Variants in CHCHD3 observed in about 807,000 individuals in gnomAD.
CHCHD3 encodes MICOS complex subunit MIC19.
Under a neutral mutation model 38.2 loss-of-function variants are expected in CHCHD3, and 20 were observed. The observed-to-expected ratio is 0.52, with a 90% CI of 0.37 to 0.76. The LOEUF (loss-of-function observed/expected upper bound fraction) is 0.76. Among genes scored for constraint, CHCHD3 ranks in the 30% least tolerant of loss-of-function variants. The pLI is 0.00. For synonymous variants in CHCHD3, 82 were observed against 100.0 expected, an observed-to-expected ratio of 0.82 and a Z score of 1.07; for missense variants, 245 against 279.2, an observed-to-expected ratio of 0.88 and a Z score of 0.87.
At chr7:133,031,431 T>G (rs1182266836) in intron 2 of CHCHD3, among the ~76,000 whole-genome samples, 1 of 152,010 alleles carries the variant, frequency 6.6e-6, no homozygotes, top group African/African-American at 2.4e-5. Context: ...ATACATAGAT[T>G]CCCTGAACCT....
rs539773845 is a variant in CHCHD3 at position 132,916,983 on chromosome 7, AG to A, written c.370-31239del. Among the ~76,000 whole-genome samples, 8 of 152,294 alleles carry A rather than the reference AG, an allele frequency of 5.3e-5. No individual in the cohort carries two copies. In the East Asian group the frequency reaches 1.5e-3, roughly 29 times the overall value. On this transcript the variant is annotated intron_variant, in intron 4 of 7. Transcript: ENST00000262570. Reference sequence around the variant, plus strand: ...TACCATCTGCATTTCAGGCATCCACAGGGGGGTCTTGGAAGGAATCCTCAGT... The same window carrying A: ...TACCATCTGCATTTCAGGCATCCACAGGGGGTCTTGGAAGGAATCCTCAGT...
chr7:133,003,698 C>T (rs971562898), intron 3 of CHCHD3, among the ~76,000 whole-genome samples: 1 of 152,188 alleles, frequency 6.6e-6, no homozygotes, highest in Admixed American at 6.5e-5. Flanking sequence ...AGGCCCAATG[C>T]TGACTCAAGC....
intron 4 of CHCHD3, among the ~76,000 whole-genome samples, chr7:132,898,013 G>A (rs1051644859): frequency 6.6e-6 from 1 of 152,026 alleles, no homozygotes; most frequent in Admixed American, 6.5e-5. Flanking sequence ...GCAGACCTTC[G>A]CGGTGAGTGT....
chr7:133,012,812 G>A (rs1211062332), intron 3 of CHCHD3, among the ~76,000 whole-genome samples: 2 of 119,092 alleles, frequency 1.7e-5, no homozygotes, highest in South Asian at 6.8e-4. Context: ...GAGGGGAAGA[G>A]AGGGGAGGGG....
intron 5 of CHCHD3, among the ~76,000 whole-genome samples, chr7:132,852,581 T>C (rs1378002540): frequency 6.6e-6 from 1 of 152,236 alleles, no homozygotes; most frequent in East Asian, 1.9e-4. Context: ...TGAATTATTA[T>C]TTCTTTGGAA....
At chr7:132,797,331 G>GA (rs1296983500) in intron 6 of CHCHD3, among the ~76,000 whole-genome samples, 1 of 151,816 alleles carries the variant, frequency 6.6e-6, no homozygotes, top group Non-Finnish European at 1.5e-5. Flanking sequence ...TCTATATCTG[G>GA]AAAAAACCTA....
intron 2 of CHCHD3, among the ~76,000 whole-genome samples, chr7:133,043,538 C>T (rs536863343): frequency 2.8e-4 from 43 of 151,508 alleles, no homozygotes; most frequent in African/African-American, 8.7e-4. Context: ...CCCAGCTACT[C>T]GGGAGGCTGA....
chr7:132,880,375 T>C (rs1809020636), intron 5 of CHCHD3, among the ~76,000 whole-genome samples: 1 of 152,206 alleles, frequency 6.6e-6, no homozygotes, highest in Admixed American at 6.5e-5. Flanking sequence ...AAATGCTCAG[T>C]AAATGTTATC....
chr7:133,001,291 A>G (rs1301643925), intron 3 of CHCHD3, among the ~76,000 whole-genome samples: 1 of 152,176 alleles, frequency 6.6e-6, no homozygotes, highest in Non-Finnish European at 1.5e-5. Flanking sequence ...CTCCTTTCAG[A>G]ATGTCTTTTT....
chr7:132,906,068 T>A (rs1379134633), intron 4 of CHCHD3, among the ~76,000 whole-genome samples: 4 of 152,188 alleles, frequency 2.6e-5, no homozygotes, highest in Admixed American at 2.6e-4. Context: ...ATTATAACTA[T>A]GTGAGATAAA....
chr7:132,873,462 G>A (rs1808818236), intron 5 of CHCHD3, among the ~76,000 whole-genome samples: 1 of 150,070 alleles, frequency 6.7e-6, no homozygotes, highest in South Asian at 2.1e-4. Flanking sequence ...CACCCAGGCT[G>A]GAGTGCAGTG....
intron 7 of CHCHD3, among the ~76,000 whole-genome samples, chr7:132,791,907 A>G (rs1026292561): frequency 1.3e-5 from 2 of 152,170 alleles, no homozygotes; most frequent in Non-Finnish European, 1.5e-5. Flanking sequence ...TGATCTCTCC[A>G]AAGAGATCAG....
chr7:133,031,380 A>G (rs1392267860), intron 2 of CHCHD3, among the ~76,000 whole-genome samples: 1 of 152,172 alleles, frequency 6.6e-6, no homozygotes, highest in Non-Finnish European at 1.5e-5. Flanking sequence ...CTCATCAACC[A>G]TGAAAAACAG....
chr7:132,820,491 AG>A (rs1269179180), intron 6 of CHCHD3, among the ~76,000 whole-genome samples: 1 of 152,104 alleles, frequency 6.6e-6, no homozygotes, highest in African/African-American at 2.4e-5. Flanking sequence ...CACTCTCTAT[AG>A]GAATTTATCT....
chr7:133,056,787 C>T (rs1213797856), intron 2 of CHCHD3, among the ~76,000 whole-genome samples: 1 of 152,128 alleles, frequency 6.6e-6, no homozygotes, highest in East Asian at 1.9e-4. Flanking sequence ...CACTCAGCAC[C>T]TGTATATTTT....
At chr7:132,925,997 T>C (rs145912261) in intron 4 of CHCHD3, among the ~76,000 whole-genome samples, 14 of 151,892 alleles carry the variant, frequency 9.2e-5, no homozygotes, top group Admixed American at 9.2e-4. Context: ...TGGCCAGAGA[T>C]GAAGTAGCAA....
intron 7 of CHCHD3, among the ~76,000 whole-genome samples, chr7:132,789,565 C>T (rs2117018685): frequency 6.6e-6 from 1 of 152,258 alleles, no homozygotes; most frequent in South Asian, 2.1e-4. Flanking sequence ...TTCTGTTAAG[C>T]AGTAATCTCA....
intron 2 of CHCHD3, among the ~76,000 whole-genome samples, chr7:133,037,790 C>T (rs768788659): frequency 1.2e-4 from 19 of 152,032 alleles, no homozygotes; most frequent in South Asian, 2.1e-4. Flanking sequence ...TCCAGCCTGG[C>T]GACAGAGCGA....
At chr7:132,923,205 G>A (rs1444492852) in intron 4 of CHCHD3, among the ~76,000 whole-genome samples, 2 of 152,198 alleles carry the variant, frequency 1.3e-5, no homozygotes, top group East Asian at 3.9e-4. Flanking sequence ...TGCACCAATA[G>A]GCCCTTCTAA....
Sources: allele counts gnomAD v4.1 joint callset (sites outside exome capture counted in the v4.1 genomes callset), GRCh38; gene constraint gnomAD v4.1.1; transcripts MANE v1.5; gene names NCBI Gene and HGNC (gene_info 2026-07-23, HGNC 2026-07-21).